The following TRPC7 variants were observed in gnomAD, a reference collection of about 807,000 sequenced individuals.
TRPC7 encodes the protein transient receptor potential cation channel subfamily C member 7, also known as short transient receptor potential channel 7.
TRPC7 carries 42 observed loss-of-function variants against 90.1 expected under a neutral mutation model. The ratio of observed to expected loss-of-function variants is 0.47; its 90% CI spans 0.36 to 0.60. TRPC7 has a LOEUF of 0.60. TRPC7 is among the 20% of genes least tolerant of loss of function. The probability of loss-of-function intolerance (pLI) is 0.00; values close to 1 mark genes in which losing one functional copy is unlikely to be tolerated. For missense variants in TRPC7, 955 were observed against 1,112.3 expected (o/e 0.86, Z 2.01); for synonymous variants, 451 against 436.3 (o/e 1.03, Z -0.42).
intron 3 of TRPC7, among the ~76,000 whole-genome samples, chr5:136,309,826 A>G (rs1002772976): frequency 2.0e-5 from 3 of 152,210 alleles, no homozygotes; most frequent in African/African-American, 4.8e-5. Context: ...TGTTAACACA[A>G]TGTAACAGCC....
At chr5:136,282,810 A>T (rs1451339985) in intron 3 of TRPC7, among the ~76,000 whole-genome samples, 1 of 152,202 alleles carries the variant, frequency 6.6e-6, no homozygotes, top group African/African-American at 2.4e-5. Context: ...TGATCCATCC[A>T]TCCACCAGAC....
At chr5:136,260,716 T>C (rs918324988) in intron 5 of TRPC7, among the ~76,000 whole-genome samples, 2 of 151,990 alleles carry the variant, frequency 1.3e-5, no homozygotes, top group African/African-American at 4.8e-5. Context: ...CTCAATTACG[T>C]TTTAAATGGA....
chr5:136,321,731 C>G (rs1759205635), intron 2 of TRPC7, among the ~76,000 whole-genome samples: 1 of 152,098 alleles, frequency 6.6e-6, no homozygotes, highest in Non-Finnish European at 1.5e-5. Context: ...TGGATAAACT[C>G]TTGACTCATC....
chr5:136,292,944 C>T (rs1235981078), intron 3 of TRPC7, among the ~76,000 whole-genome samples: 1 of 152,186 alleles, frequency 6.6e-6, no homozygotes, highest in Non-Finnish European at 1.5e-5. Context: ...AGCTTATCCA[C>T]CATGATCAAG....
At position 136,226,050 on chromosome 5, in the gene TRPC7, A is replaced by T; in HGVS notation, c.2246T>A (p.Leu749Gln). ...GCTACCTACCTTGAATTTGGAATTC[A>T]GCATGCCCATTTCAAGGTCATTTTC... ...SCENDLEMGM[L>Q]NSKFKKTRYQ... Residue 749 changes from leucine (L) to glutamine (Q), a missense_variant, in exon 9 of 12, where the codon CTG becomes CAG. Leu to Gln is a moderately radical substitution (Grantham distance 113). This residue lies in a region of TRPC7 where 296 missense variants were observed against 422.7 expected (regional missense o/e 0.70). Coordinates refer to ENST00000513104, the MANE Select transcript of TRPC7 (RefSeq NM_020389.3). 6.3e-7 allele frequency: 1 copy of T among 1,597,722 alleles called. No homozygotes were observed. Among genetic ancestry groups the T allele is most frequent in the South Asian group, 1.1e-5 (1 of 87,984 alleles).
intron 7 of TRPC7, among the ~76,000 whole-genome samples, chr5:136,236,299 C>T (rs1055111276): frequency 1.3e-5 from 2 of 152,170 alleles, no homozygotes; most frequent in African/African-American, 4.8e-5. Context: ...CCCCTCAGCC[C>T]CTCAGGTGCT....
intron 5 of TRPC7, among the ~76,000 whole-genome samples, chr5:136,261,068 GCCTGATGCTA>G (rs1289331390): frequency 6.6e-6 from 1 of 152,122 alleles, no homozygotes; most frequent in Non-Finnish European, 1.5e-5. Context: ...ATCAGCAGGG[GCCTGATGCTA>G]CCTCATACCT....
chr5:136,294,221 A>C (rs1189843339), intron 3 of TRPC7, among the ~76,000 whole-genome samples: 2 of 152,240 alleles, frequency 1.3e-5, no homozygotes, highest in Non-Finnish European at 1.5e-5. Flanking sequence ...CATTCAGGAC[A>C]TAGGCATGGG....
chr5:136,320,453 G>A (rs113886732), intron 2 of TRPC7, among the ~76,000 whole-genome samples: 4 of 152,230 alleles, frequency 2.6e-5, no homozygotes, highest in East Asian at 3.9e-4. Context: ...CTGTACACCC[G>A]CTCCAAAGGC....
intron 3 of TRPC7, among the ~76,000 whole-genome samples, chr5:136,297,514 A>C (rs1394477921): frequency 6.6e-6 from 1 of 152,156 alleles, no homozygotes; most frequent in African/African-American, 2.4e-5. Flanking sequence ...AATAGCTATA[A>C]AAATATTAAT....
At chr5:136,338,584 A>G (rs1008665511) in intron 2 of TRPC7, among the ~76,000 whole-genome samples, 2 of 152,228 alleles carry the variant, frequency 1.3e-5, no homozygotes. Context: ...TCCCTATACT[A>G]TGTTTGAGCC....
chr5:136,224,684 T>A (rs1389473368), intron 10 of TRPC7, among the ~76,000 whole-genome samples: 1 of 152,156 alleles, frequency 6.6e-6, no homozygotes, highest in Non-Finnish European at 1.5e-5. Context: ...AGCAGTTAGG[T>A]GGTTTTCTTA....
chr5:136,237,265 G>A (rs989227275), intron 7 of TRPC7, among the ~76,000 whole-genome samples: 1 of 152,152 alleles, frequency 6.6e-6, no homozygotes, highest in African/African-American at 2.4e-5. Flanking sequence ...AGAAGAGTCT[G>A]GGGCCACAGA....
chr5:136,347,954 G>T (rs187627287), intron 2 of TRPC7, among the ~76,000 whole-genome samples: 8 of 152,200 alleles, frequency 5.3e-5, no homozygotes, highest in African/African-American at 1.9e-4. Flanking sequence ...CTCCAACTGC[G>T]CTGTGGCTTC....
At chr5:136,317,238 G>A (rs1759052552) in intron 2 of TRPC7, among the ~76,000 whole-genome samples, 1 of 152,138 alleles carries the variant, frequency 6.6e-6, no homozygotes, top group Admixed American at 6.5e-5. Flanking sequence ...CTAGCACAGA[G>A]CTGGCCTGAA....
chr5:136,225,556 C>T (rs912249552), intron 9 of TRPC7, among the ~76,000 whole-genome samples: 1 of 148,896 alleles, frequency 6.7e-6, no homozygotes, highest in African/African-American at 2.6e-5. Context: ...ATAAGGGTTA[C>T]AGAATATTTA....
At chr5:136,342,504 A>G (rs1290988163) in intron 2 of TRPC7, among the ~76,000 whole-genome samples, 1 of 152,336 alleles carries the variant, frequency 6.6e-6, no homozygotes, top group East Asian at 1.9e-4. Context: ...GTCTGGGCCC[A>G]GCCATCATCT....
chr5:136,315,068 C>T (rs1758964803), intron 3 of TRPC7, among the ~76,000 whole-genome samples: 1 of 152,162 alleles, frequency 6.6e-6, no homozygotes, highest in African/African-American at 2.4e-5. Flanking sequence ...TTGGGAAAGT[C>T]TACTTGAGCT....
intron 3 of TRPC7, among the ~76,000 whole-genome samples, chr5:136,289,840 C>T (rs1757869999): frequency 6.6e-6 from 1 of 152,228 alleles, no homozygotes; most frequent in African/African-American, 2.4e-5. Context: ...GGGCAGACTG[C>T]CTCCTCAAGT....
Sources: allele counts gnomAD v4.1 joint callset (sites outside exome capture counted in the v4.1 genomes callset), GRCh38; gene constraint gnomAD v4.1.1; regional missense constraint gnomAD v4.1.1; transcripts MANE v1.5; gene names NCBI Gene and HGNC (gene_info 2026-07-23, HGNC 2026-07-21).